Variants in CPS1 observed in about 807,000 individuals in gnomAD.
The protein encoded by CPS1 is carbamoyl-phosphate synthase [ammonia], mitochondrial.
CPS1 carries 109 observed loss-of-function variants against 174.6 expected under a neutral mutation model. The observed-to-expected ratio is 0.62, with a 90% CI of 0.53 to 0.73. The LOEUF (loss-of-function observed/expected upper bound fraction) is 0.73, where lower values mean the gene tolerates loss of function less well. Ranked by LOEUF, CPS1 falls within the 30% of genes least tolerant of loss-of-function variation. The pLI, the probability that CPS1 is intolerant of heterozygous loss-of-function variation, is 0.00. For synonymous variants in CPS1, 637 were observed against 632.0 expected, an observed-to-expected ratio of 1.01 and a Z score of -0.12; for missense variants, 1,689 against 1,821.9, an observed-to-expected ratio of 0.93 and a Z score of 1.33.
intron 6 of CPS1, 98 bp from the exon 7 acceptor site, chr2:210,587,960 C>G: frequency 9.5e-7 from 1 of 1,052,962 alleles, no homozygotes; most frequent in South Asian, 1.3e-5. Flanking sequence ...CAATCTGTTA[C>G]CAATCTAAGT....
At chr2:210,614,010 G>A (rs1229121624) in intron 20 of CPS1, among the ~76,000 whole-genome samples, 1 of 151,922 alleles carries the variant, frequency 6.6e-6, no homozygotes, top group Non-Finnish European at 1.5e-5. Flanking sequence ...ATCTTTGCTT[G>A]CTTTCATGAG....
chr2:210,483,424 A>G (rs1168445981), intron 1 of CPS1, among the ~76,000 whole-genome samples: 1 of 152,204 alleles, frequency 6.6e-6, no homozygotes, highest in East Asian at 1.9e-4. Context: ...ACATGTGAGG[A>G]AACAGAGACT....
chr2:210,507,640 A>G (rs10176902), intron 1 of CPS1, among the ~76,000 whole-genome samples: 81,176 of 140,494 alleles, frequency 0.58, 22,824 homozygotes, highest in South Asian at 0.63. Flanking sequence ...CCCATCTCAC[A>G]TGCAGAGACA....
At chr2:210,601,067 T>C (rs945499237) in intron 15 of CPS1, among the ~76,000 whole-genome samples, 1 of 151,922 alleles carries the variant, frequency 6.6e-6, no homozygotes, top group South Asian at 2.1e-4. Flanking sequence ...ATTTTGCATG[T>C]GTGAATTCCC....
chr2:210,577,568 A>C, intron 4 of CPS1, 58 bp downstream of exon 4: 1 of 1,234,634 alleles, frequency 8.1e-7, no homozygotes, highest in South Asian at 1.2e-5. Context: ...AGGTGCCTGT[A>C]GATTCAGAAG....
At chr2:210,672,873 G>A (rs1012610909) in intron 34 of CPS1, 1 of 152,124 alleles carries the variant, frequency 6.6e-6, no homozygotes, top group African/African-American at 2.4e-5. Context: ...GCAGTTCTGG[G>A]ATTGAGGGGG....
chr2:210,560,755 C>T (rs1193787189), intron 1 of CPS1, among the ~76,000 whole-genome samples: 1 of 152,144 alleles, frequency 6.6e-6, no homozygotes, highest in East Asian at 1.9e-4. Flanking sequence ...AATTTACTTA[C>T]ATTGTAGTAG....
intron 21 of CPS1, among the ~76,000 whole-genome samples, chr2:210,633,301 A>G (rs1016047685): frequency 1.3e-5 from 2 of 152,178 alleles, no homozygotes; most frequent in Non-Finnish European, 2.9e-5. Flanking sequence ...TACAAAATTA[A>G]CTCACTTCAC....
chr2:210,616,476 C>T lies in CPS1; in HGVS notation c.2622C>T (p.Asp874=). 6.2e-7 allele frequency: 1 copy of T among 1,612,370 alleles called. No homozygotes were observed. Among genetic ancestry groups the T allele is most frequent in the South Asian group, 1.1e-5 (1 of 91,052 alleles). ...LDEIEKLTYI[D]KWFLYKMRDI... ...AGATTGAGAAGCTCACATACATTGA[C>T]AAGTGGTTTTTGTATAAGATGCGTG... The change falls in exon 21 of 38, where the codon GAC becomes GAT. Residue 874 remains aspartate (D), a synonymous_variant. Transcript: ENST00000233072.
intron 1 of CPS1, among the ~76,000 whole-genome samples, chr2:210,568,083 G>A (rs907721372): frequency 2.0e-5 from 3 of 152,100 alleles, no homozygotes; most frequent in African/African-American, 7.2e-5. Flanking sequence ...GTAACATTGA[G>A]AAGTTAAAAT....
At chr2:210,674,853 T>G (rs770114318) in intron 34 of CPS1, 49 bp from the exon 35 acceptor site, 41 of 1,387,086 alleles carry the variant, frequency 3.0e-5, no homozygotes, top group Non-Finnish European at 4.0e-5. Flanking sequence ...ATTGCATAAA[T>G]GAAGAGCATG....
chr2:210,527,610 C>T (rs780837312), intron 1 of CPS1, among the ~76,000 whole-genome samples: 20 of 151,660 alleles, frequency 1.3e-4, no homozygotes, highest in Non-Finnish European at 2.2e-4. Flanking sequence ...AGGATAAGTC[C>T]CTTTCTGAGT....
chr2:210,478,328 T>C (rs918439960), intron 1 of CPS1, among the ~76,000 whole-genome samples: 1 of 152,270 alleles, frequency 6.6e-6, no homozygotes, highest in Admixed American at 6.5e-5. Flanking sequence ...TAATGAATAA[T>C]GTAGAATCTC....
chr2:210,505,588 A>AG (rs11417374), intron 1 of CPS1, among the ~76,000 whole-genome samples: 152,258 of 152,258 alleles, frequency 1, 76,129 homozygotes, highest in Non-Finnish European at 1. Context: ...AAGCAGGGCG[A>AG]GCATCGCCTC....
intron 1 of CPS1, among the ~76,000 whole-genome samples, chr2:210,505,875 A>T (rs1351038689): frequency 6.6e-6 from 1 of 152,206 alleles, no homozygotes; most frequent in African/African-American, 2.4e-5. Flanking sequence ...TTGAGTATGT[A>T]AAAAAAGCAC....
In CPS1 at chr2:210,602,234, T is replaced by G. The variant is rs1165898157; in HGVS notation, c.1740T>G (p.Ile580Met). 6.2e-7 allele frequency: 1 copy of G among 1,612,330 alleles called. No homozygotes were observed. Among genetic ancestry groups the G allele is most frequent in the Admixed American group, 1.7e-5 (1 of 59,810 alleles). The change falls in exon 16 of 38, where the codon ATT becomes ATG. Residue 580 changes from isoleucine to methionine, a missense_variant. Physicochemically the swap from Ile to Met is conservative, Grantham distance 10. Transcript: ENST00000233072. ...ATGCACTGAAGGCAGCAGACACCAT[T>G]GGCTACCCAGTGATGATCCGTTCCG... ...IEDALKAADT[I>M]GYPVMIRSAY...
At chr2:210,508,946 G>A (rs545987208) in intron 1 of CPS1, among the ~76,000 whole-genome samples, 47 of 152,234 alleles carry the variant, frequency 3.1e-4, no homozygotes, top group African/African-American at 9.9e-4. Flanking sequence ...AATTCTACCA[G>A]AGGTACAAGG....
At chr2:210,637,468 C>T (rs909667121) in intron 21 of CPS1, among the ~76,000 whole-genome samples, 5 of 151,904 alleles carry the variant, frequency 3.3e-5, no homozygotes, top group South Asian at 2.1e-4. Context: ...GGGAAGAGGT[C>T]GCATAGAGTG....
chr2:210,662,874 G>A (rs993947479), intron 32 of CPS1, among the ~76,000 whole-genome samples: 20 of 152,280 alleles, frequency 1.3e-4, no homozygotes, highest in Admixed American at 9.8e-4. Context: ...GGTCTCAGGC[G>A]CCCTATTTAC....
Sources: gnomAD v4.1 joint callset for allele counts (sites outside exome capture counted in the v4.1 genomes callset) on GRCh38, gnomAD v4.1.1 for gene constraint, MANE v1.5 for transcripts, NCBI Gene and HGNC (gene_info 2026-07-23, HGNC 2026-07-21) for gene names.